Variants in NTNG1 observed in about 807,000 individuals in gnomAD.
The protein encoded by NTNG1 is netrin G1, also known as netrin-G1.
A neutral mutation model predicts 54.0 loss-of-function variants in NTNG1; 16 were observed. The observed-to-expected ratio is 0.30, with a 90% CI of 0.20 to 0.45. The LOEUF is 0.45. NTNG1 is among the 20% of genes least tolerant of loss of function. The probability of loss-of-function intolerance (pLI) is 1.00; values close to 1 mark genes in which losing one functional copy is unlikely to be tolerated. For synonymous variants in NTNG1, 255 were observed against 263.1 expected (o/e 0.97, Z 0.30); for missense variants, 530 against 678.7 (o/e 0.78, Z 2.43).
intron 2 of NTNG1, among the ~76,000 whole-genome samples, chr1:107,312,815 C>CT (rs1244739860): frequency 6.6e-6 from 1 of 152,062 alleles, no homozygotes; most frequent in African/African-American, 2.4e-5. Context: ...AACAAATTCA[C>CT]TTTTTTATAT....
intron 7 of NTNG1, among the ~76,000 whole-genome samples, chr1:107,465,276 G>C (rs1047198623): frequency 6.6e-6 from 1 of 152,126 alleles, no homozygotes; most frequent in Non-Finnish European, 1.5e-5. Flanking sequence ...AGATAAAATA[G>C]ATATCTGAGG....
At chr1:107,160,475 A>G (rs1364348398) in intron 2 of NTNG1, among the ~76,000 whole-genome samples, 1 of 151,966 alleles carries the variant, frequency 6.6e-6, no homozygotes, top group Non-Finnish European at 1.5e-5. Context: ...CCTGCTTCCT[A>G]CTTTTGTCCT....
intron 2 of NTNG1, among the ~76,000 whole-genome samples, chr1:107,267,034 C>G (rs1223675984): frequency 6.6e-6 from 1 of 152,168 alleles, no homozygotes; most frequent in Admixed American, 6.5e-5. Context: ...ATAGTCACAA[C>G]ACATTGTACT....
chr1:107,435,998 A>C (rs1675571506), intron 6 of NTNG1, among the ~76,000 whole-genome samples: 1 of 152,232 alleles, frequency 6.6e-6, no homozygotes, highest in African/African-American at 2.4e-5. Flanking sequence ...GCCAGCAGAC[A>C]TTATAATGAA....
intron 5 of NTNG1, among the ~76,000 whole-genome samples, chr1:107,413,108 G>A (rs2101180843): frequency 3.5e-5 from 1 of 28,180 alleles, no homozygotes; most frequent in African/African-American, 6.9e-5. Context: ...GTTTCCTGTG[G>A]ATTTCTTTTC....
At chr1:107,161,627 C>T (rs896880699) in intron 2 of NTNG1, among the ~76,000 whole-genome samples, 6 of 149,480 alleles carry the variant, frequency 4.0e-5, no homozygotes, top group Admixed American at 2.0e-4. Flanking sequence ...TGCCACTGCA[C>T]GCCAGCCTGG....
chr1:107,266,782 G>A (rs751302583), intron 2 of NTNG1, among the ~76,000 whole-genome samples: 2 of 151,892 alleles, frequency 1.3e-5, no homozygotes, highest in Non-Finnish European at 2.9e-5. Flanking sequence ...CCTGTAAAGA[G>A]CTGTTCAGTT....
intron 2 of NTNG1, among the ~76,000 whole-genome samples, chr1:107,220,565 G>A (rs1356610179): frequency 6.6e-6 from 1 of 152,234 alleles, no homozygotes; most frequent in East Asian, 1.9e-4. Context: ...TCTGAAGTCT[G>A]ACTACCTGCC....
In NTNG1 at chr1:107,261,729, G is replaced by A. The variant is rs538350987; in HGVS notation, c.247-62553G>A. ...GTGGTGGCGGGTGCCTGTAGTCCCA[G>A]CTACTCGGGAGGCTGAGGCGGGAGA... On this transcript the variant is annotated intron_variant, in intron 2 of 7. Transcript: ENST00000370068. 3.0e-3 allele frequency among the ~76,000 whole-genome samples: 451 copies of A among 152,310 alleles called. 2 individuals are homozygous for A. Among genetic ancestry groups the A allele is most frequent in the African/African-American group, 0.01 (432 of 41,578 alleles).
chr1:107,323,026 A>G (rs1240243304), intron 2 of NTNG1, among the ~76,000 whole-genome samples: 1 of 151,930 alleles, frequency 6.6e-6, no homozygotes, highest in Non-Finnish European at 1.5e-5. Context: ...ACTGAGTGTC[A>G]GTGTCTAAAG....
intron 2 of NTNG1, among the ~76,000 whole-genome samples, chr1:107,267,630 A>G (rs1663838288): frequency 6.6e-6 from 1 of 152,126 alleles, no homozygotes. Flanking sequence ...GATCCCTCCC[A>G]CTACTGTCAG....
chr1:107,151,664 A>G (rs528125198), intron 2 of NTNG1, among the ~76,000 whole-genome samples: 38 of 152,286 alleles, frequency 2.5e-4, no homozygotes, highest in African/African-American at 9.1e-4. Flanking sequence ...TTTCTTTAAT[A>G]TAAAGTTGAA....
chr1:107,246,331 G>C (rs1474291265), intron 2 of NTNG1, among the ~76,000 whole-genome samples: 2 of 151,754 alleles, frequency 1.3e-5, no homozygotes, highest in South Asian at 4.2e-4. Flanking sequence ...GGGATTACAG[G>C]CTTGAGTTTA....
At chr1:107,244,630 G>T (rs1194264596) in intron 2 of NTNG1, among the ~76,000 whole-genome samples, 2 of 152,050 alleles carry the variant, frequency 1.3e-5, no homozygotes, top group Non-Finnish European at 2.9e-5. Context: ...TTATATTTTT[G>T]AGTTTCCTTT....
chr1:107,440,829 G>A (rs1675920307), intron 7 of NTNG1, among the ~76,000 whole-genome samples: 1 of 152,022 alleles, frequency 6.6e-6, no homozygotes. Context: ...TGCTTGAGAG[G>A]CCACCAATTA....
chr1:107,155,769 A>G (rs1241930731), intron 2 of NTNG1, among the ~76,000 whole-genome samples: 1 of 152,194 alleles, frequency 6.6e-6, no homozygotes, highest in East Asian at 1.9e-4. Flanking sequence ...TAATTAATTG[A>G]TTTGAATATT....
chr1:107,186,312 G>T (rs2101159242), intron 2 of NTNG1, among the ~76,000 whole-genome samples: 1 of 152,206 alleles, frequency 6.6e-6, no homozygotes. Flanking sequence ...ACTCTTATTT[G>T]ATCTTTCTGT....
chr1:107,387,741 A>G (rs748369940), intron 3 of NTNG1, among the ~76,000 whole-genome samples: 5 of 152,232 alleles, frequency 3.3e-5, no homozygotes, highest in Non-Finnish European at 7.3e-5. Context: ...TACTGCTCTC[A>G]GCCACACATC....
intron 7 of NTNG1, among the ~76,000 whole-genome samples, chr1:107,438,662 C>A (rs573839808): frequency 6.6e-6 from 1 of 152,124 alleles, no homozygotes; most frequent in East Asian, 1.9e-4. Flanking sequence ...GGAAGCAGGA[C>A]CTAAAGAATG....
Sources: allele counts gnomAD v4.1 joint callset (sites outside exome capture counted in the v4.1 genomes callset), GRCh38; gene constraint gnomAD v4.1.1; transcripts MANE v1.5; gene names NCBI Gene and HGNC (gene_info 2026-07-23, HGNC 2026-07-21).